Variants in ZDHHC7 observed in about 807,000 individuals in gnomAD.
The protein encoded by ZDHHC7 is palmitoyltransferase ZDHHC7.
Under a neutral mutation model 34.1 loss-of-function variants are expected in ZDHHC7, and 12 were observed. The observed-to-expected ratio is 0.35, with a 90% CI of 0.23 to 0.57. The LOEUF is 0.57. Ranked by LOEUF, ZDHHC7 falls within the 20% of genes least tolerant of loss-of-function variation. The pLI, the probability that ZDHHC7 is intolerant of heterozygous loss-of-function variation, is 0.84. For synonymous variants in ZDHHC7, 185 were observed against 155.4 expected (o/e 1.19, Z -1.42); for missense variants, 388 against 402.7 (o/e 0.96, Z 0.31).
chr16:84,989,663 C>T (rs1250898976), intron 3 of ZDHHC7, among the ~76,000 whole-genome samples: 2 of 141,686 alleles, frequency 1.4e-5, no homozygotes, highest in East Asian at 4.1e-4. Flanking sequence ...CATTGCACTC[C>T]AGCCTGGGCA....
intron 1 of ZDHHC7, among the ~76,000 whole-genome samples, chr16:85,010,810 A>G (rs1023425403): frequency 6.6e-6 from 1 of 152,258 alleles, no homozygotes; most frequent in Admixed American, 6.5e-5. Flanking sequence ...GACGTGGAGC[A>G]GGAGGGAAGA....
intron 5 of ZDHHC7, among the ~76,000 whole-genome samples, chr16:84,978,591 G>A (rs942128451): frequency 5.9e-5 from 9 of 152,036 alleles, no homozygotes; most frequent in Admixed American, 4.6e-4. Flanking sequence ...GGCCGGGCAC[G>A]GTGGCTCACG....
chr16:84,979,085 G>C (rs778097590), intron 5 of ZDHHC7, 104 bp downstream of exon 5: 43 of 1,124,068 alleles, frequency 3.8e-5, no homozygotes, highest in Non-Finnish European at 4.7e-5. Context: ...GAAAAGGCTG[G>C]AGAGAAACTG....
intron 1 of ZDHHC7, among the ~76,000 whole-genome samples, chr16:84,998,827 C>T (rs1187383953): frequency 3.4e-5 from 5 of 148,946 alleles, no homozygotes; most frequent in Non-Finnish European, 7.4e-5. Context: ...GATCTCGGCT[C>T]ACCGCAACTT....
chr16:85,020,029 A>C, the ZDHHC7 span, among the ~76,000 whole-genome samples: 50 of 152,348 alleles, frequency 3.3e-4, no homozygotes, highest in African/African-American at 1.2e-3. Context: ...GTACAGGAGC[A>C]GAGCCAGCTG....
chr16:85,019,089 G>A, the ZDHHC7 span, among the ~76,000 whole-genome samples: 1 of 152,214 alleles, frequency 6.6e-6, no homozygotes, highest in Non-Finnish European at 1.5e-5. Flanking sequence ...GCGTGACCAA[G>A]GTCGTCCATG....
Position 84,974,729 on chromosome 16 carries a change from T to G in ZDHHC7, c.*1614A>C, listed in dbSNP as rs913161383. ...TCCAGGATCACCCACACTTTGTCCCTCTGGCTGTGACGCAGCTCTTCCCCC... is the reference window on the plus strand; with the variant it reads ...TCCAGGATCACCCACACTTTGTCCCGCTGGCTGTGACGCAGCTCTTCCCCC... On this transcript the variant is annotated 3_prime_UTR_variant, in exon 8 of 8. Transcript: ENST00000313732. 3.3e-5 allele frequency: 5 copies of G among 152,634 alleles called. No individual in the cohort carries two copies. The highest frequency in any genetic ancestry group is 1.2e-4 in the African/African-American group (5 of 41,440). The allele number at this position is 152,634 out of a possible 1,614,324, so 9.5% of individuals were successfully genotyped here.
chr16:84,990,433 G>T lies in ZDHHC7; in HGVS notation c.186C>A (p.Asp62Glu). ...VMTWLLVAYA[D>E]FVVTFVMLLP... is the part of the protein sequence containing the mutation. ...GCAGCATGACGAAAGTCACCACGAAGTCTGCATAGGCGACCAGAAGCCACG... is the reference window on the plus strand; with the variant it reads ...GCAGCATGACGAAAGTCACCACGAATTCTGCATAGGCGACCAGAAGCCACG... Residue 62 changes from aspartate (D) to glutamate (E), a missense_variant, in exon 3 of 8, where the codon GAC becomes GAA. Transcript: ENST00000313732. 1 of 1,614,140 alleles carries T rather than the reference G, an allele frequency of 6.2e-7. No individual in the cohort carries two copies. Among genetic ancestry groups the T allele is most frequent in the Non-Finnish European group, 8.5e-7 (1 of 1,180,012 alleles).
At chr16:84,988,707 C>A in intron 3 of ZDHHC7, 1 of 1,480,564 alleles carries the variant, frequency 6.8e-7, no homozygotes, top group Non-Finnish European at 9.2e-7. Context: ...GAGGAGCAAA[C>A]TGCTGAGGAC....
chr16:85,006,164 CT>C (rs1201773425), intron 1 of ZDHHC7, among the ~76,000 whole-genome samples: 14 of 152,178 alleles, frequency 9.2e-5, no homozygotes, highest in Admixed American at 5.2e-4. Context: ...AAAGACCAGC[CT>C]GGGCAACATA....
the ZDHHC7 span, among the ~76,000 whole-genome samples, chr16:85,021,890 C>T: frequency 6.6e-6 from 1 of 152,076 alleles, no homozygotes; most frequent in Non-Finnish European, 1.5e-5. Context: ...GGCGCAGTGG[C>T]TCACGCCTGT....
At chr16:85,010,445 G>A (rs1224996329) in intron 1 of ZDHHC7, among the ~76,000 whole-genome samples, 1 of 152,162 alleles carries the variant, frequency 6.6e-6, no homozygotes, top group African/African-American at 2.4e-5. Context: ...AATACACATT[G>A]ACCTAAATCT....
chr16:84,988,230 G>A (rs568684737), intron 3 of ZDHHC7, among the ~76,000 whole-genome samples: 4 of 152,112 alleles, frequency 2.6e-5, no homozygotes, highest in South Asian at 4.2e-4. Flanking sequence ...TGGTTGCCAG[G>A]GGCAGAGGGC....
upstream of ZDHHC7, among the ~76,000 whole-genome samples, chr16:85,011,830 G>C (rs1189915345): frequency 1.3e-5 from 2 of 152,218 alleles, no homozygotes; most frequent in African/African-American, 4.8e-5. Context: ...CGCCCGCGGC[G>C]GTGTCTCAGA....
intron 3 of ZDHHC7, among the ~76,000 whole-genome samples, chr16:84,983,110 T>C (rs1290937040): frequency 6.6e-6 from 1 of 152,218 alleles, no homozygotes; most frequent in African/African-American, 2.4e-5. Flanking sequence ...CAAGGCCTTG[T>C]GTCTGCCTCT....
Position 84,976,493 on chromosome 16 carries a change from C to A in ZDHHC7, c.777G>T (p.Lys259Asn), listed in dbSNP as rs1397686509. The A allele has an allele frequency of 1.9e-6, 3 of 1,613,682 alleles. No homozygotes were observed. Among genetic ancestry groups the A allele is most frequent in the Non-Finnish European group, 2.5e-6 (3 of 1,180,004 alleles). ...ATCGCAGCCTCCGCTCCCATGTGGG[C>A]TTCTCACTTTTCAATCGCTCGATCT... is the stretch of plus-strand genomic sequence containing the variant. ...ETEIERLKSE[K>N]PTWERRLRWE... is the part of the protein sequence containing the mutation. Residue 259 changes from lysine (K) to asparagine (N), a missense_variant, in exon 8 of 8, where the codon AAG becomes AAT. By Grantham distance (94) the Lys-to-Asn change is moderately conservative (BLOSUM62 0). Coordinates refer to ENST00000313732, the MANE Select transcript of ZDHHC7 (RefSeq NM_017740.3).
chr16:84,976,453 A>T lies in ZDHHC7; in HGVS notation c.817T>A (p.Ser273Thr). The stretch of plus-strand genomic sequence containing the variant: ...AGTGAGGGGGGCCCCCCAAAGACGG[A>T]CTTCATCCCTTCCCATCGCAGCCTC... The part of the protein sequence containing the change: ...ERRLRWEGMK[S>T]VFGGPPSLLW... The change falls in exon 8 of 8, where the codon TCC (serine) becomes ACC (threonine). Residue 273 changes from serine (S) to threonine (T), a missense_variant. Coordinates refer to ENST00000313732, the MANE Select transcript of ZDHHC7 (RefSeq NM_017740.3). 2 of 1,614,058 alleles carry T rather than the reference A, an allele frequency of 1.2e-6. No individual in the cohort carries two copies. The highest frequency in any genetic ancestry group is 1.7e-6 in the Non-Finnish European group (2 of 1,179,992).
At chr16:85,026,520 T>A in the ZDHHC7 span, among the ~76,000 whole-genome samples, 6 of 151,888 alleles carry the variant, frequency 4.0e-5, no homozygotes, top group Non-Finnish European at 8.8e-5. Flanking sequence ...CTCACGGCAC[T>A]GCAGCTCCCA....
the ZDHHC7 span, among the ~76,000 whole-genome samples, chr16:85,027,559 G>T: frequency 6.6e-6 from 1 of 152,218 alleles, no homozygotes; most frequent in Non-Finnish European, 1.5e-5. Context: ...CAGCCTCTAA[G>T]CAGAGCCAGC....
Sources: allele counts gnomAD v4.1 joint callset (sites outside exome capture counted in the v4.1 genomes callset), GRCh38; gene constraint gnomAD v4.1.1; transcripts MANE v1.5; gene names NCBI Gene and HGNC (gene_info 2026-07-23, HGNC 2026-07-21).